MYO1D: variants seen among roughly 807,000 people sequenced by gnomAD.
MYO1D encodes the protein myosin ID, also known as unconventional myosin-Id.
MYO1D carries 83 observed loss-of-function variants against 122.0 expected under a neutral mutation model. That is an observed-to-expected ratio of 0.68 (90% CI 0.57 to 0.82). The LOEUF is 0.82. MYO1D is among the 40% of genes least tolerant of loss of function. The pLI, the probability that MYO1D is intolerant of heterozygous loss-of-function variation, is 0.00. For missense variants in MYO1D, 1,157 were observed against 1,269.5 expected (o/e 0.91, Z 1.35); for synonymous variants, 464 against 446.9 (o/e 1.04, Z -0.48).
chr17:32,603,294 C>G (rs2087584323), intron 21 of MYO1D, among the ~76,000 whole-genome samples: 1 of 152,058 alleles, frequency 6.6e-6, no homozygotes, highest in African/African-American at 2.4e-5. Context: ...CTTAATAGAT[C>G]AGAATTTGCT....
chr17:32,670,065 T>C (rs1245546440), intron 16 of MYO1D, among the ~76,000 whole-genome samples: 1 of 152,078 alleles, frequency 6.6e-6, no homozygotes, highest in Non-Finnish European at 1.5e-5. Context: ...GGCTAAGTTT[T>C]GTCTTTTTTT....
At chr17:32,523,175 G>A (rs1044734921) in intron 21 of MYO1D, among the ~76,000 whole-genome samples, 19 of 152,182 alleles carry the variant, frequency 1.2e-4, no homozygotes, top group African/African-American at 3.1e-4. Context: ...CTACCACATG[G>A]GAGGAAAGAG....
At chr17:32,657,835 G>A (rs776441069) in intron 17 of MYO1D, among the ~76,000 whole-genome samples, 2 of 152,180 alleles carry the variant, frequency 1.3e-5, no homozygotes, top group Admixed American at 6.5e-5. Flanking sequence ...ATAGAAGACT[G>A]TATAGGCTGT....
rs113849120 is a variant in MYO1D at position 32,532,782 on chromosome 17, C to T, written c.2865-37867G>A. Among the ~76,000 whole-genome samples the T allele has an allele frequency of 2.9e-4, 43 of 150,772 alleles. 1 individual carries two copies. Among genetic ancestry groups the T allele is most frequent in the African/African-American group, 8.5e-4 (35 of 41,046 alleles). On this transcript the variant is annotated intron_variant, in intron 21 of 21. Coordinates refer to ENST00000318217, the MANE Select transcript of MYO1D (RefSeq NM_015194.3). ...CGAGGCTGATATGCTCATTTTACCA[C>T]AGCAGGGCTGAGGCCCTCCACTCCC... is the stretch of plus-strand genomic sequence containing the variant.
chr17:32,800,957 G>T lies in MYO1D; in HGVS notation c.96-20173C>A, dbSNP rs375821546. Among the ~76,000 whole-genome samples the T allele has an allele frequency of 3.2e-4, 49 of 151,998 alleles. No individual in the cohort carries two copies. The East Asian group carries it at 5.2e-3, about 16-fold the overall frequency. On this transcript the variant is annotated intron_variant, in intron 1 of 21. Transcript: ENST00000318217. The stretch of plus-strand genomic sequence containing the variant: ...ACAGATATGCTAATTACTCTGATTC[G>T]ACCAGTCCACAATGTATACATGTAT...
chr17:32,507,746 G>A (rs917551167), intron 21 of MYO1D, among the ~76,000 whole-genome samples: 1 of 152,152 alleles, frequency 6.6e-6, no homozygotes, highest in African/African-American at 2.4e-5. Flanking sequence ...GGTTAAATGA[G>A]GTCATAGGAG....
intron 21 of MYO1D, among the ~76,000 whole-genome samples, chr17:32,559,873 ACTC>A (rs1282135964): frequency 2.6e-5 from 4 of 152,014 alleles, no homozygotes; most frequent in Non-Finnish European, 5.9e-5. Context: ...GTATTTCTTG[ACTC>A]TTCAGTGTCA....
At chr17:32,668,513 C>T (rs2088666248) in intron 16 of MYO1D, among the ~76,000 whole-genome samples, 1 of 152,092 alleles carries the variant, frequency 6.6e-6, no homozygotes, top group Non-Finnish European at 1.5e-5. Context: ...TTTGAAAGAT[C>T]CAGCCAAAGG....
chr17:32,684,108 A>G (rs905940229), intron 16 of MYO1D: 2 of 152,858 alleles, frequency 1.3e-5, no homozygotes, highest in African/African-American at 4.8e-5. Context: ...TTCGGCTCGC[A>G]CACGGTGCGC....
intron 21 of MYO1D, among the ~76,000 whole-genome samples, chr17:32,560,093 TA>T (rs2087104955): frequency 6.6e-6 from 1 of 151,964 alleles, no homozygotes; most frequent in Non-Finnish European, 1.5e-5. Context: ...CCATCTCTAC[TA>T]AAAATACAAA....
At chr17:32,765,994 C>T (rs545049069) in intron 7 of MYO1D, among the ~76,000 whole-genome samples, 5 of 152,128 alleles carry the variant, frequency 3.3e-5, no homozygotes, top group African/African-American at 1.2e-4. Flanking sequence ...GCGATCCTTC[C>T]ACCCCCAGCC....
chr17:32,838,107 T>G (rs577752331), intron 1 of MYO1D, among the ~76,000 whole-genome samples: 2 of 152,294 alleles, frequency 1.3e-5, no homozygotes, highest in African/African-American at 2.4e-5. Flanking sequence ...CCCTACAATA[T>G]TCCCCATAAA....
At chr17:32,685,795 T>C (rs1054803213) in intron 16 of MYO1D, among the ~76,000 whole-genome samples, 7 of 152,262 alleles carry the variant, frequency 4.6e-5, no homozygotes, top group Admixed American at 1.3e-4. Context: ...CTTTAAGTTA[T>C]TGTCATCTAC....
At chr17:32,798,178 TGGGG>T (rs2090434232) in intron 1 of MYO1D, among the ~76,000 whole-genome samples, 1 of 152,194 alleles carries the variant, frequency 6.6e-6, no homozygotes, top group Admixed American at 6.5e-5. Context: ...TTGTTTTTGT[TGGGG>T]TGAATTAATA....
intron 21 of MYO1D, among the ~76,000 whole-genome samples, chr17:32,582,386 A>G (rs1375755939): frequency 6.6e-6 from 1 of 152,256 alleles, no homozygotes; most frequent in African/African-American, 2.4e-5. Context: ...GAAGTTCAAA[A>G]TACTAATGTC....
intron 16 of MYO1D, among the ~76,000 whole-genome samples, chr17:32,695,978 A>G (rs1051134906): frequency 2.6e-5 from 4 of 152,246 alleles, no homozygotes; most frequent in Admixed American, 2.6e-4. Context: ...TTTTCTAAGA[A>G]TACCAGCAGG....
intron 15 of MYO1D, among the ~76,000 whole-genome samples, chr17:32,717,291 TATA>T (rs2089460608): frequency 6.6e-6 from 1 of 152,246 alleles, no homozygotes; most frequent in South Asian, 2.1e-4. Context: ...AATCACGGTC[TATA>T]ATATCCTTTC....
intron 21 of MYO1D, among the ~76,000 whole-genome samples, chr17:32,530,830 A>T (rs761936774): frequency 6.6e-6 from 1 of 151,952 alleles, no homozygotes; most frequent in Admixed American, 6.6e-5. Flanking sequence ...TTAATAAAAG[A>T]GTATCTCACC....
In MYO1D at chr17:32,514,239, C is replaced by CAAAA. The variant is rs61570449; in HGVS notation, c.2865-19328_2865-19325dup. Among the ~76,000 whole-genome samples the CAAAA allele has an allele frequency of 6.8e-4, 41 of 60,284 alleles. 1 individual carries two copies. Among genetic ancestry groups the CAAAA allele is most frequent in the Non-Finnish European group, 1.0e-3 (34 of 32,610 alleles). 39.5% of individuals were successfully genotyped at this position (60,284 alleles called of 152,430 possible). On this transcript the variant is annotated intron_variant, in intron 21 of 21. Transcript: ENST00000318217. ...TGGGCGACAGAGCAAGACTTTGTCT[C>CAAAA]AAAAAAAAAAAAAAAAAAAAAAAAA...
Sources: allele counts gnomAD v4.1 joint callset (sites outside exome capture counted in the v4.1 genomes callset), GRCh38; gene constraint gnomAD v4.1.1; transcripts MANE v1.5; gene names NCBI Gene and HGNC (gene_info 2026-07-23, HGNC 2026-07-21).